The following PRMT8 variants were observed in gnomAD, a reference collection of about 807,000 sequenced individuals.
The protein encoded by PRMT8 is protein arginine methyltransferase 8.
PRMT8 carries 7 observed loss-of-function variants against 47.1 expected under a neutral mutation model. The observed-to-expected ratio is 0.15, with a 90% CI of 0.08 to 0.28. The LOEUF (loss-of-function observed/expected upper bound fraction) is 0.28, where lower values mean the gene tolerates loss of function less well. PRMT8 is among the 10% of genes least tolerant of loss of function. PRMT8 has a pLI of 1.00. For missense variants in PRMT8, 237 were observed against 505.4 expected, an observed-to-expected ratio of 0.47 and a Z score of 5.09; for synonymous variants, 188 against 186.5, an observed-to-expected ratio of 1.01 and a Z score of -0.07.
At chr12:3,537,090 C>T (rs1186685296) in intron 1 of PRMT8, among the ~76,000 whole-genome samples, 3 of 152,212 alleles carry the variant, frequency 2.0e-5, no homozygotes, top group East Asian at 1.9e-4. Flanking sequence ...TTTTACCAAA[C>T]GGCCTTTCTA....
intron 1 of PRMT8, among the ~76,000 whole-genome samples, chr12:3,511,793 A>T (rs1300888193): frequency 1.3e-5 from 2 of 152,196 alleles, no homozygotes; most frequent in African/African-American, 2.4e-5. Flanking sequence ...GACTGTTCTG[A>T]ATATGAAAAG....
upstream of PRMT8, among the ~76,000 whole-genome samples, chr12:3,488,015 T>C (rs1375382909): frequency 6.6e-6 from 1 of 152,230 alleles, no homozygotes; most frequent in Non-Finnish European, 1.5e-5. Flanking sequence ...AACCACTGTC[T>C]TGCTCCCTGA....
At chr12:3,554,680 G>T (rs904818768) in intron 4 of PRMT8, among the ~76,000 whole-genome samples, 1 of 152,174 alleles carries the variant, frequency 6.6e-6, no homozygotes, top group East Asian at 1.9e-4. Context: ...TGGGGCAGGG[G>T]GAAAAAGAGG....
intron 4 of PRMT8, among the ~76,000 whole-genome samples, chr12:3,555,086 C>T (rs941708604): frequency 2.0e-5 from 3 of 152,250 alleles, no homozygotes; most frequent in Non-Finnish European, 4.4e-5. Context: ...AACTTCTCTG[C>T]AAACCACCAT....
At chr12:3,509,764 A>G (rs1369289193) in intron 1 of PRMT8, among the ~76,000 whole-genome samples, 2 of 152,268 alleles carry the variant, frequency 1.3e-5, no homozygotes, top group African/African-American at 4.8e-5. Context: ...GCCACCATCC[A>G]TCTGACCTAA....
rs1421638954 is a variant in PRMT8, at chr12:3,572,271, C to A, written c.712+2707C>A. On this transcript the variant is annotated intron_variant, in intron 6 of 9. Coordinates refer to ENST00000382622, the MANE Select transcript of PRMT8 (RefSeq NM_019854.5). The surrounding 1 kb of genome is among the most constrained non-coding windows in gnomAD (Gnocchi z 5.9). Reference sequence around the variant, plus strand: ...GAAGGAAGGAAGGAAGGAAAGTGAACCAGCAGAGGGATGTGCAAGGTGTAG... The same window carrying A: ...GAAGGAAGGAAGGAAGGAAAGTGAAACAGCAGAGGGATGTGCAAGGTGTAG... Among the ~76,000 whole-genome samples, 1 of 152,140 alleles carries A rather than the reference C, an allele frequency of 6.6e-6. No homozygotes were observed. Among genetic ancestry groups the A allele is most frequent in the Non-Finnish European group, 1.5e-5 (1 of 68,026 alleles).
At chr12:3,472,869 G>A (rs1339815565) in intron 1 of PRMT8, among the ~76,000 whole-genome samples, 2 of 152,224 alleles carry the variant, frequency 1.3e-5, no homozygotes, top group Middle Eastern at 6.8e-3. Flanking sequence ...GCAGGCAGGG[G>A]CTGTGTTCCA....
At chr12:3,531,037 C>T (rs1398312701) in intron 1 of PRMT8, among the ~76,000 whole-genome samples, 1 of 152,130 alleles carries the variant, frequency 6.6e-6, no homozygotes, top group Admixed American at 6.5e-5. Flanking sequence ...TGTGTGCCTA[C>T]GAAGCGGGTA....
Position 3,453,192 on chromosome 12 carries a change from T to C in PRMT8, c.48+71750T>C, listed in dbSNP as rs1164935300. Reference sequence around the variant, plus strand: ...TGATGGAAAAGGCCAGCAAGAACCATGGAAGCTGCTGAAAGGGTGCAGGGA... The same window carrying C: ...TGATGGAAAAGGCCAGCAAGAACCACGGAAGCTGCTGAAAGGGTGCAGGGA... On this transcript the variant is annotated intron_variant, in intron 1 of 9. Coordinates refer to the PRMT8 transcript ENST00000452611. This position sits in a 1 kb window ranked among gnomAD's most constrained non-coding sequence, Gnocchi z 4.9. Among the ~76,000 whole-genome samples, 2 of 152,054 alleles carry C rather than the reference T, an allele frequency of 1.3e-5. No homozygotes were observed. The highest frequency in any genetic ancestry group is 2.9e-5 in the Non-Finnish European group (2 of 67,992).
At chr12:3,387,630 C>T (rs958778877) in intron 1 of PRMT8, among the ~76,000 whole-genome samples, 18 of 152,270 alleles carry the variant, frequency 1.2e-4, no homozygotes, top group African/African-American at 3.9e-4. Flanking sequence ...AACTATTTAT[C>T]GAATGCTTAT....
At chr12:3,522,916 A>G (rs1433325508) in intron 1 of PRMT8, among the ~76,000 whole-genome samples, 1 of 152,198 alleles carries the variant, frequency 6.6e-6, no homozygotes, top group Admixed American at 6.5e-5. Flanking sequence ...AGGAAGCTAT[A>G]AGCAGGCTCC....
intron 1 of PRMT8, among the ~76,000 whole-genome samples, chr12:3,405,252 A>T (rs1864361021): frequency 6.6e-6 from 1 of 152,090 alleles, no homozygotes; most frequent in Non-Finnish European, 1.5e-5. Flanking sequence ...CACTCACTAC[A>T]ACAAGACCAG....
chr12:3,484,827 A>C (rs1298951958), intron 1 of PRMT8, among the ~76,000 whole-genome samples: 1 of 152,238 alleles, frequency 6.6e-6, no homozygotes, highest in East Asian at 1.9e-4. Flanking sequence ...GGCAATGGGT[A>C]AGTCACTTAT....
intron 1 of PRMT8, among the ~76,000 whole-genome samples, chr12:3,449,979 T>C (rs1461375719): frequency 1.3e-5 from 2 of 152,234 alleles, no homozygotes; most frequent in Non-Finnish European, 2.9e-5. Context: ...ATTTATTAAA[T>C]AGGAAATCCT....
chr12:3,494,336 T>G (rs1865471742), intron 1 of PRMT8, among the ~76,000 whole-genome samples: 1 of 152,176 alleles, frequency 6.6e-6, no homozygotes. Context: ...CATTCCATCC[T>G]CACAACAATC....
chr12:3,458,414 C>T (rs1864999651), intron 1 of PRMT8, among the ~76,000 whole-genome samples: 1 of 152,188 alleles, frequency 6.6e-6, no homozygotes, highest in Admixed American at 6.5e-5. Context: ...TCACTCTTAA[C>T]CCAAGTGGGT....
At chr12:3,539,490 A>G (rs145789468) in intron 1 of PRMT8, among the ~76,000 whole-genome samples, 1 of 152,274 alleles carries the variant, frequency 6.6e-6, no homozygotes, top group Non-Finnish European at 1.5e-5. Context: ...AGGACTGACT[A>G]CTAGATAATA....
At chr12:3,410,697 CA>C (rs1356584228) in intron 1 of PRMT8, among the ~76,000 whole-genome samples, 1 of 152,156 alleles carries the variant, frequency 6.6e-6, no homozygotes, top group African/African-American at 2.4e-5. Flanking sequence ...TTAGTAGAAA[CA>C]GGGTTTTACC....
intron 1 of PRMT8, among the ~76,000 whole-genome samples, chr12:3,396,806 G>A (rs2137048416): frequency 6.6e-6 from 1 of 152,100 alleles, no homozygotes; most frequent in African/African-American, 2.4e-5. Flanking sequence ...CCTGCAGAGT[G>A]TTTTCCAACT....
Sources: gnomAD v4.1 joint callset for allele counts (sites outside exome capture counted in the v4.1 genomes callset) on GRCh38, gnomAD v4.1.1 for gene constraint, Gnocchi (gnomAD v3.1) non-coding constraint, MANE v1.5 for transcripts, NCBI Gene and HGNC (gene_info 2026-07-23, HGNC 2026-07-21) for gene names.